PLB1: variants seen among roughly 807,000 people sequenced by gnomAD.
PLB1 encodes phospholipase B1, also known as phospholipase B1, membrane-associated.
A neutral mutation model predicts 227.4 loss-of-function variants in PLB1; 242 were observed. The observed-to-expected ratio is 1.06, with a 90% CI of 0.96 to 1.18. The LOEUF (loss-of-function observed/expected upper bound fraction) is 1.18. Among genes scored for constraint, PLB1 ranks in the 50% most tolerant of loss-of-function variants. The pLI is 0.00. For missense variants in PLB1, 1,858 were observed against 1,816.3 expected (o/e 1.02, Z -0.42); for synonymous variants, 757 against 682.2 (o/e 1.11, Z -1.71).
chr2:28,636,019 A>ATGTGTGTGTATGTGTG (rs1689281358), intron 56 of PLB1, among the ~76,000 whole-genome samples: 2 of 98,284 alleles, frequency 2.0e-5, no homozygotes, highest in African/African-American at 6.8e-5. Flanking sequence ...GTATGTATGA[A>ATGTGTGTGTATGTGTG]TGTGTGTGTA....
intron 46 of PLB1, 32 bp from the exon 47 acceptor site, chr2:28,620,233 C>A: frequency 3.2e-6 from 5 of 1,542,278 alleles, no homozygotes; most frequent in Non-Finnish European, 4.4e-6. Context: ...AGCCTATACC[C>A]CAGCCCTGAA....
chr2:28,578,765 AGTTAT>A (rs1405393121), intron 22 of PLB1, among the ~76,000 whole-genome samples: 2 of 152,164 alleles, frequency 1.3e-5, no homozygotes, highest in East Asian at 1.9e-4. Flanking sequence ...GATTAGGATG[AGTTAT>A]GTTATATATA....
Position 28,589,964 on chromosome 2 carries a change from C to T in PLB1, c.2017-41C>T, listed in dbSNP as rs370008933. 4.4e-5 allele frequency: 69 copies of T among 1,570,502 alleles called. No individual in the cohort carries two copies. The South Asian group carries it at 6.3e-4, about 14-fold the overall frequency. On this transcript the variant is annotated intron_variant, in intron 28 of 57. Coordinates refer to ENST00000327757, the MANE Select transcript of PLB1 (RefSeq NM_153021.5). ...TGCGTCCTGAGCTTTCCATTCTGGC[C>T]GCCTCTTCCTCACTCCCCATCTCCC... is the stretch of plus-strand genomic sequence containing the variant.
At chr2:28,589,649 C>T in intron 27 of PLB1, 26 bp from the exon 28 acceptor site, 1 of 1,611,146 alleles carries the variant, frequency 6.2e-7, no homozygotes, top group Non-Finnish European at 8.5e-7. Context: ...TCTATAACTG[C>T]CTCTCTTTTT....
At chr2:28,584,632 A>T (rs1160780191) in intron 25 of PLB1, among the ~76,000 whole-genome samples, 2 of 152,206 alleles carry the variant, frequency 1.3e-5, no homozygotes, top group African/African-American at 4.8e-5. Context: ...TCAAGGTTGG[A>T]TAGACTCAGG....
intron 26 of PLB1, among the ~76,000 whole-genome samples, chr2:28,586,120 A>G (rs1248450558): frequency 6.6e-6 from 1 of 152,158 alleles, no homozygotes. Context: ...GCAAACATGG[A>G]TCATGGAAAG....
intron 13 of PLB1, 91 bp downstream of exon 13, chr2:28,541,902 G>A: frequency 9.8e-7 from 1 of 1,020,374 alleles, no homozygotes; most frequent in Non-Finnish European, 1.5e-6. Context: ...GGAGGCCGAG[G>A]TGGGTGGATT....
intron 43 of PLB1, among the ~76,000 whole-genome samples, chr2:28,610,337 G>A (rs979308431): frequency 6.6e-6 from 1 of 151,330 alleles, no homozygotes; most frequent in Non-Finnish European, 1.5e-5. Context: ...AATTAATAGT[G>A]ATGGGGTCTC....
chr2:28,549,408 C>CTT (rs1572906840), intron 15 of PLB1, among the ~76,000 whole-genome samples: 4 of 60,674 alleles, frequency 6.6e-5, no homozygotes, highest in African/African-American at 1.9e-4. Flanking sequence ...GAATGAGATT[C>CTT]TTTCTTTTTT....
intron 56 of PLB1, among the ~76,000 whole-genome samples, chr2:28,638,938 C>G (rs1689680778): frequency 6.6e-6 from 1 of 151,794 alleles, no homozygotes; most frequent in African/African-American, 2.4e-5. Flanking sequence ...TGGCATGCAC[C>G]TGTAATCCCA....
chr2:28,524,624 T>A (rs1440436786), intron 4 of PLB1, among the ~76,000 whole-genome samples: 1 of 151,706 alleles, frequency 6.6e-6, no homozygotes, highest in Non-Finnish European at 1.5e-5. Flanking sequence ...AGGGGGAGAG[T>A]TAAATAAATT....
Position 28,625,015 on chromosome 2 carries a change from C to T in PLB1, c.3528-42C>T, listed in dbSNP as rs1316906458. The T allele has an allele frequency of 3.1e-6, 5 of 1,595,154 alleles. No homozygotes were observed. In the South Asian group the frequency reaches 4.4e-5, roughly 14 times the overall value. On this transcript the variant is annotated intron_variant, in intron 49 of 57. Transcript: ENST00000327757. ...AAATCCCATGTCGTGAGTCCTCGCTCCTGAGCCGGCACTAACGCCCCTCTC... is the reference window on the plus strand; with the variant it reads ...AAATCCCATGTCGTGAGTCCTCGCTTCTGAGCCGGCACTAACGCCCCTCTC...
intron 49 of PLB1, among the ~76,000 whole-genome samples, chr2:28,624,443 A>G (rs1186997084): frequency 1.3e-5 from 2 of 152,212 alleles, no homozygotes; most frequent in Admixed American, 1.3e-4. Flanking sequence ...TCGCTCATCC[A>G]GAACACCAAA....
chr2:28,586,034 C>T (rs937498234), intron 26 of PLB1, among the ~76,000 whole-genome samples, 192 bp downstream of exon 26: 1 of 152,200 alleles, frequency 6.6e-6, no homozygotes, highest in Non-Finnish European at 1.5e-5. Context: ...CACCACAGAA[C>T]CAAGTCCCTG....
chr2:28,611,020 C>T (rs1486206906), intron 43 of PLB1, among the ~76,000 whole-genome samples: 2 of 151,896 alleles, frequency 1.3e-5, no homozygotes, highest in Non-Finnish European at 2.9e-5. Flanking sequence ...ACCAAATGGT[C>T]AATGGTCAAT....
In PLB1 at chr2:28,527,315, C is replaced by T. The variant is rs373687129; in HGVS notation, c.325+1370C>T. On this transcript the variant is annotated intron_variant, in intron 6 of 57. Coordinates refer to ENST00000327757, the MANE Select transcript of PLB1 (RefSeq NM_153021.5). ...GAGGGCAGATCTTGCTTCTGAAGCCCTCCGAGGCAGGCCTTACTCCAGCAT... is the reference window on the plus strand; with the variant it reads ...GAGGGCAGATCTTGCTTCTGAAGCCTTCCGAGGCAGGCCTTACTCCAGCAT... Among the ~76,000 whole-genome samples, 4 of 152,332 alleles carry T rather than the reference C, an allele frequency of 2.6e-5. No homozygotes were observed. In the East Asian group the frequency reaches 5.8e-4, roughly 22 times the overall value.
chr2:28,578,241 C>A, intron 22 of PLB1, 83 bp downstream of exon 22: 2 of 1,409,394 alleles, frequency 1.4e-6, no homozygotes, highest in Non-Finnish European at 2.0e-6. Context: ...TGGTTGGGAG[C>A]CCGGCTTGGG....
intron 39 of PLB1, among the ~76,000 whole-genome samples, 192 bp from the exon 40 acceptor site, chr2:28,603,774 G>C (rs989155388): frequency 6.6e-6 from 1 of 152,124 alleles, no homozygotes; most frequent in Non-Finnish European, 1.5e-5. Context: ...TCCCTCCCTC[G>C]GGCCATCTCC....
chr2:28,589,857 T>C, intron 28 of PLB1, 87 bp downstream of exon 28: 1 of 1,411,374 alleles, frequency 7.1e-7, no homozygotes, highest in Non-Finnish European at 1.0e-6. Context: ...AGGCCCATCG[T>C]GCAGGCCATG....
Sources: gnomAD v4.1 joint callset for allele counts (sites outside exome capture counted in the v4.1 genomes callset) on GRCh38, gnomAD v4.1.1 for gene constraint, MANE v1.5 for transcripts, NCBI Gene and HGNC (gene_info 2026-07-23, HGNC 2026-07-21) for gene names.